Variants in DNAH8 observed in about 807,000 individuals in gnomAD.
DNAH8 encodes the protein dynein axonemal heavy chain 8, also known as axonemal beta dynein heavy chain 8.
DNAH8 carries 382 observed loss-of-function variants against 562.1 expected under a neutral mutation model. That is an observed-to-expected ratio of 0.68 (90% CI 0.63 to 0.74). The LOEUF is 0.74. DNAH8 is among the 30% of genes least tolerant of loss of function. DNAH8 has a pLI of 0.00. For synonymous variants in DNAH8, 1,881 were observed against 1,919.4 expected (o/e 0.98, Z 0.52); for missense variants, 5,203 against 5,620.4 (o/e 0.93, Z 2.37).
At chr6:39,013,087 C>T (rs1188980240) in intron 91 of DNAH8, among the ~76,000 whole-genome samples, 1 of 152,188 alleles carries the variant, frequency 6.6e-6, no homozygotes, top group Admixed American at 6.5e-5. Context: ...GGGTCTTCCC[C>T]CACTCAGTTT....
At chr6:38,791,075 A>G (rs989945009) in intron 20 of DNAH8, among the ~76,000 whole-genome samples, 7 of 152,172 alleles carry the variant, frequency 4.6e-5, no homozygotes, top group African/African-American at 1.2e-4. Context: ...AAGATTGTCT[A>G]TTGATTTCTG....
chr6:38,969,211 C>G (rs1763174104), intron 82 of DNAH8, among the ~76,000 whole-genome samples: 1 of 151,980 alleles, frequency 6.6e-6, no homozygotes, highest in African/African-American at 2.4e-5. Context: ...TTATGCAACT[C>G]TAAAAACATA....
Position 38,737,967 on chromosome 6 carries a change from G to C in DNAH8, c.1111G>C (p.Glu371Gln). 1 of 1,610,058 alleles carries C rather than the reference G, an allele frequency of 6.2e-7. No individual in the cohort carries two copies. The highest frequency in any genetic ancestry group is 8.5e-7 in the Non-Finnish European group (1 of 1,178,142). ...EVLMVWYKQI[E>Q]QVLIESEQMR... is the part of the protein sequence containing the mutation. ...GCTGATGGTATGGTACAAACAGATC[G>C]AACAGGTGAATTGACTCAAACAATT... is the stretch of plus-strand genomic sequence containing the variant. The change falls in exon 7 of 93, where the codon GAA becomes CAA. Residue 371 changes from glutamate to glutamine, a missense_variant. Physicochemically the swap from Glu to Gln is conservative, Grantham distance 29. Transcript: ENST00000327475.
intron 12 of DNAH8, among the ~76,000 whole-genome samples, chr6:38,772,555 T>C (rs1458106054): frequency 6.6e-6 from 1 of 152,194 alleles, no homozygotes; most frequent in Non-Finnish European, 1.5e-5. Flanking sequence ...GTTATTTGTC[T>C]TTTTATTGTT....
intron 10 of DNAH8, among the ~76,000 whole-genome samples, chr6:38,757,837 T>G (rs1766073478): frequency 6.6e-6 from 1 of 152,210 alleles, no homozygotes; most frequent in South Asian, 2.1e-4. Flanking sequence ...GTTGTAGATA[T>G]GCGGCATTAT....
intron 82 of DNAH8, among the ~76,000 whole-genome samples, chr6:38,968,334 C>T (rs1763110268): frequency 6.6e-6 from 1 of 152,090 alleles, no homozygotes; most frequent in South Asian, 2.1e-4. Context: ...CTTCAGAGGG[C>T]ACCATCAGAG....
intron 88 of DNAH8, among the ~76,000 whole-genome samples, chr6:39,002,372 A>G (rs1035463452): frequency 3.9e-5 from 6 of 152,214 alleles, no homozygotes; most frequent in African/African-American, 1.4e-4. Flanking sequence ...GTATATAGTA[A>G]CATGTGGATC....
At chr6:38,742,274 A>G (rs1357593820) in intron 8 of DNAH8, among the ~76,000 whole-genome samples, 5 of 152,112 alleles carry the variant, frequency 3.3e-5, no homozygotes, top group Admixed American at 3.3e-4. Context: ...ATCTTTATTT[A>G]CAGTTTGGCT....
At chr6:38,964,741 A>G (rs7741611) in intron 82 of DNAH8, among the ~76,000 whole-genome samples, 102,027 of 151,984 alleles carry the variant, frequency 0.67, 35,608 homozygotes, top group Non-Finnish European at 0.77. Flanking sequence ...AAATATTCAC[A>G]ACATACTGTT....
In DNAH8 at chr6:38,883,375, C is replaced by T. The variant is rs767118602; in HGVS notation, c.8055C>T (p.Ala2685=). ...QGTAKTVMVK[A]YLKKYDPEVQ... ...CTGCAAAAACTGTCATGGTTAAGGC[C>T]TATTTGAAAAAATATGATCCTGAAG... Residue 2685 remains alanine (A), a synonymous_variant, in exon 55 of 93, where the codon GCC becomes GCT. Coordinates refer to ENST00000327475, the MANE Select transcript of DNAH8 (RefSeq NM_001206927.2). 1 of 1,613,206 alleles carries T rather than the reference C, an allele frequency of 6.2e-7. No individual in the cohort carries two copies. Among genetic ancestry groups the T allele is most frequent in the Non-Finnish European group, 8.5e-7 (1 of 1,179,528 alleles).
chr6:38,823,139 G>C (rs1773026060), intron 27 of DNAH8, 105 bp downstream of exon 27: 2 of 1,003,698 alleles, frequency 2.0e-6, no homozygotes, highest in Non-Finnish European at 2.8e-6. Flanking sequence ...CATGAGCAGA[G>C]GCCAAGAATC....
At chr6:38,842,996 G>T in intron 35 of DNAH8, 93 bp downstream of exon 35, 1 of 1,373,180 alleles carries the variant, frequency 7.3e-7, no homozygotes, top group Non-Finnish European at 9.9e-7. Flanking sequence ...TGAGAGGTTG[G>T]ACTAATTGCC....
chr6:38,918,213 A>G, intron 70 of DNAH8, 73 bp downstream of exon 70: 1 of 1,113,346 alleles, frequency 9.0e-7, no homozygotes, highest in Non-Finnish European at 1.3e-6. Flanking sequence ...TGCTATTAAA[A>G]GACAATGCGT....
intron 11 of DNAH8, among the ~76,000 whole-genome samples, chr6:38,768,765 C>T (rs1767270632): frequency 6.6e-6 from 1 of 152,066 alleles, no homozygotes; most frequent in South Asian, 2.1e-4. Flanking sequence ...TATCTTCTTT[C>T]TGTTTTCCTA....
At chr6:38,970,553 C>T (rs1733321436) in intron 82 of DNAH8, among the ~76,000 whole-genome samples, 1 of 152,170 alleles carries the variant, frequency 6.6e-6, no homozygotes, top group Non-Finnish European at 1.5e-5. Flanking sequence ...CCTAATCTTG[C>T]ACCCTGCAGA....
chr6:38,958,161 C>G (rs943348936), intron 82 of DNAH8, among the ~76,000 whole-genome samples: 1 of 142,822 alleles, frequency 7.0e-6, no homozygotes, highest in African/African-American at 2.6e-5. Flanking sequence ...GCCACCACGC[C>G]TGACTAATTT....
At chr6:38,715,858 C>A (rs1762236141) in intron 1 of DNAH8, among the ~76,000 whole-genome samples, 1 of 103,078 alleles carries the variant, frequency 9.7e-6, no homozygotes. Context: ...TCACCACTAT[C>A]CAATGCATCC....
intron 12 of DNAH8, 99 bp from the exon 13 acceptor site, chr6:38,775,655 A>G (rs1369105260): frequency 1.4e-6 from 1 of 728,206 alleles, no homozygotes; most frequent in Non-Finnish European, 2.3e-6. Flanking sequence ...GCCCTGTTTA[A>G]TGGTTTGTGT....
intron 79 of DNAH8, among the ~76,000 whole-genome samples, chr6:38,939,957 T>C (rs958702374): frequency 1.3e-5 from 2 of 152,146 alleles, no homozygotes; most frequent in Non-Finnish European, 2.9e-5. Flanking sequence ...AGTCTGGTTT[T>C]GTTGAAATGA....
Sources: gnomAD v4.1 joint callset for allele counts (sites outside exome capture counted in the v4.1 genomes callset) on GRCh38, gnomAD v4.1.1 for gene constraint, MANE v1.5 for transcripts, NCBI Gene and HGNC (gene_info 2026-07-23, HGNC 2026-07-21) for gene names.